Variants in ATAD3B observed in about 807,000 individuals in gnomAD.
The protein encoded by ATAD3B is ATPase family AAA domain containing 3B.
Under a neutral mutation model 70.2 loss-of-function variants are expected in ATAD3B, and 59 were observed. The ratio of observed to expected loss-of-function variants is 0.84; its 90% CI spans 0.68 to 1.04. ATAD3B has a LOEUF of 1.04. ATAD3B is among the 50% of genes least tolerant of loss of function. The probability of loss-of-function intolerance (pLI) is 0.00; values close to 1 mark genes in which losing one functional copy is unlikely to be tolerated. For synonymous variants in ATAD3B, 423 were observed against 388.6 expected, an observed-to-expected ratio of 1.09 and a Z score of -1.04; for missense variants, 961 against 913.4, an observed-to-expected ratio of 1.05 and a Z score of -0.67.
chr1:1,487,819 C>T (rs1022454226), intron 11 of ATAD3B, 44 bp from the exon 12 acceptor site: 1 of 1,608,300 alleles, frequency 6.2e-7, no homozygotes, highest in African/African-American at 1.3e-5. Context: ...GTGGGCTGCT[C>T]CTGGCGTCAC....
At chr1:1,505,451 CTG>C in the ATAD3B span, among the ~76,000 whole-genome samples, 12 of 152,222 alleles carry the variant, frequency 7.9e-5, no homozygotes, top group Non-Finnish European at 1.5e-4. Context: ...CTTCGGATAA[CTG>C]TGGGCGGGCC....
At chr1:1,500,212 A>C (rs1406372180), downstream of ATAD3B, among the ~76,000 whole-genome samples, 2 of 146,744 alleles carry the variant, frequency 1.4e-5, no homozygotes, top group African/African-American at 4.9e-5. Flanking sequence ...CTGATAACTT[A>C]TAGCAAACTT....
Position 1,484,998 on chromosome 1 carries a change from G to A in ATAD3B, c.751-18G>A, listed in dbSNP as rs1249458548. 2 of 1,598,174 alleles carry A rather than the reference G, an allele frequency of 1.3e-6. No homozygotes were observed. Among genetic ancestry groups the A allele is most frequent in the South Asian group, 1.1e-5 (1 of 89,194 alleles). On this transcript the variant is annotated intron_variant, in intron 7 of 15. Coordinates refer to ENST00000673477, the MANE Select transcript of ATAD3B (RefSeq NM_031921.6). ...GGACGGTGGGGGCCGGTGCGCCAGTGCGGTGTCTCTGCTGCAGGTGGCTGG... is the reference window on the plus strand; with the variant it reads ...GGACGGTGGGGGCCGGTGCGCCAGTACGGTGTCTCTGCTGCAGGTGGCTGG...
chr1:1,505,953 CCA>C, the ATAD3B span, among the ~76,000 whole-genome samples: 1 of 152,162 alleles, frequency 6.6e-6, no homozygotes, highest in Admixed American at 6.6e-5. Context: ...GGCTTGCCAC[CCA>C]CACACAGTGG....
At chr1:1,476,265 G>A (rs533644320) in intron 1 of ATAD3B, among the ~76,000 whole-genome samples, 1 of 147,516 alleles carries the variant, frequency 6.8e-6, no homozygotes, top group Non-Finnish European at 1.5e-5. Flanking sequence ...CAACACCAAA[G>A]TGTCGCTGCC....
intron 4 of ATAD3B, among the ~76,000 whole-genome samples, chr1:1,480,106 C>T (rs1187600798): frequency 4.8e-5 from 7 of 146,166 alleles, no homozygotes; most frequent in Non-Finnish European, 6.0e-5. Flanking sequence ...GCCGCAAACA[C>T]ACACACGGGC....
rs766563399 is a variant in ATAD3B, at chr1:1,482,143, G to A, written c.520G>A (p.Val174Met). 71 of 1,608,168 alleles carry A rather than the reference G, an allele frequency of 4.4e-5. No homozygotes were observed. The highest frequency in any genetic ancestry group is 2.5e-4 in the African/African-American group (19 of 74,828). ...QKQEAMRRAT[V>M]EREMELRHKN... ...GCCCTGCCTCTCTGGGGCAGCCACCGTGGAGCGGGAGATGGAGCTGCGGCA... is the reference window on the plus strand; with the variant it reads ...GCCCTGCCTCTCTGGGGCAGCCACCATGGAGCGGGAGATGGAGCTGCGGCA... The change falls in exon 6 of 16, where the codon GTG becomes ATG. Residue 174 changes from valine to methionine, a missense_variant. By Grantham distance (21) the Val-to-Met change is conservative (BLOSUM62 1). Transcript: ENST00000673477.
chr1:1,492,516 C>T (rs1640589085), intron 15 of ATAD3B, among the ~76,000 whole-genome samples: 1 of 151,698 alleles, frequency 6.6e-6, no homozygotes, highest in Non-Finnish European at 1.5e-5. Context: ...ATAATTTGGG[C>T]TGGGCACAGT....
chr1:1,486,835 G>GT (rs1640248348), intron 11 of ATAD3B, among the ~76,000 whole-genome samples, 167 bp downstream of exon 11: 1 of 149,982 alleles, frequency 6.7e-6, no homozygotes, highest in Admixed American at 6.6e-5. Context: ...AGTCCCCTGA[G>GT]TGTGGACCCT....
intron 7 of ATAD3B, chr1:1,484,195 T>G (rs1348063322): frequency 6.6e-6 from 1 of 151,978 alleles, no homozygotes; most frequent in Non-Finnish European, 1.5e-5. Flanking sequence ...TTTTTTTTTT[T>G]TTGAGACAGA....
rs2100571489 is a variant in ATAD3B at position 1,485,979 on chromosome 1, T to C, written c.964-131T>C. On this transcript the variant is annotated intron_variant, in intron 9 of 15. Coordinates refer to ENST00000673477, the MANE Select transcript of ATAD3B (RefSeq NM_031921.6). ...GCAACTGCTTGGACTGTGCCGGGGATAGATAGGCTGCCCACGAGCTGGGCG... is the reference window on the plus strand; with the variant it reads ...GCAACTGCTTGGACTGTGCCGGGGACAGATAGGCTGCCCACGAGCTGGGCG... The C allele has an allele frequency of 3.1e-6, 5 of 1,590,174 alleles. 1 individual carries two copies. The East Asian group carries it at 1.1e-4, about 36-fold the overall frequency.
chr1:1,481,182 T>G (rs1030872585), intron 5 of ATAD3B, among the ~76,000 whole-genome samples: 1 of 121,012 alleles, frequency 8.3e-6, no homozygotes. Flanking sequence ...GGGCCTTTTT[T>G]TTTTTTTTGA....
chr1:1,472,892 G>GAC (rs1490910297), intron 1 of ATAD3B, among the ~76,000 whole-genome samples: 2 of 151,842 alleles, frequency 1.3e-5, no homozygotes, highest in South Asian at 2.1e-4. Flanking sequence ...GGAGTGCAGT[G>GAC]GTGCGATTTC....
chr1:1,490,001 C>T lies in ATAD3B; in HGVS notation c.1338-256C>T, dbSNP rs1388347892. ...TCCCGGCACTGCCTATCAGGCTGGGCGAGGGTCAGCGGGGAAGTACCACAC... is the reference window on the plus strand; with the variant it reads ...TCCCGGCACTGCCTATCAGGCTGGGTGAGGGTCAGCGGGGAAGTACCACAC... On this transcript the variant is annotated intron_variant, in intron 13 of 15. Transcript: ENST00000673477. 44 of 1,334,592 alleles carry T rather than the reference C, an allele frequency of 3.3e-5. 2 individuals are homozygous for T. Among genetic ancestry groups the T allele is most frequent in the Middle Eastern group, 2.9e-4 (1 of 3,406 alleles). The allele number at this position is 1,334,592 out of a possible 1,614,324, so 82.7% of individuals were successfully genotyped here.
intron 1 of ATAD3B, among the ~76,000 whole-genome samples, chr1:1,472,771 G>T (rs1639396154): frequency 6.6e-6 from 1 of 152,052 alleles, no homozygotes; most frequent in African/African-American, 2.4e-5. Flanking sequence ...CTGGAACGTA[G>T]AAGGTGCTGA....
chr1:1,479,616 A>T (rs1209414224), intron 4 of ATAD3B, among the ~76,000 whole-genome samples: 1 of 144,198 alleles, frequency 6.9e-6, no homozygotes, highest in Admixed American at 7.0e-5. Context: ...ACACCCCCAC[A>T]CAGGGGCATG....
chr1:1,501,446 G>A (rs544563195), downstream of ATAD3B, among the ~76,000 whole-genome samples: 33 of 152,216 alleles, frequency 2.2e-4, no homozygotes, highest in South Asian at 6.2e-4. Flanking sequence ...TAGTAGAGAC[G>A]GGGTTTCACC....
downstream of ATAD3B, among the ~76,000 whole-genome samples, chr1:1,499,478 G>A (rs11488460): frequency 0.021 from 3,070 of 145,460 alleles, 130 homozygotes; most frequent in African/African-American, 0.074. Flanking sequence ...CTCATGATCC[G>A]CACTCGGCCT....
chr1:1,477,475 C>T lies in ATAD3B; in HGVS notation c.282+125C>T, dbSNP rs566027894. On this transcript the variant is annotated intron_variant, in intron 2 of 15. Transcript: ENST00000673477. The stretch of plus-strand genomic sequence containing the variant: ...ACATGGGCAGCAGTGGGGCCAGGGC[C>T]GAGCTTGGGCGCCTCATTTCACAGA... 56 of 1,469,154 alleles carry T rather than the reference C, an allele frequency of 3.8e-5. 1 individual carries two copies. The highest frequency in any genetic ancestry group is 6.0e-5 in the Admixed American group (3 of 49,918). 91.0% of individuals were successfully genotyped at this position (1,469,154 alleles called of 1,614,324 possible). A position where few individuals can be genotyped will look rare whatever the true frequency, so the allele number is the denominator to read the frequency against.
Sources: allele counts gnomAD v4.1 joint callset (sites outside exome capture counted in the v4.1 genomes callset), GRCh38; gene constraint gnomAD v4.1.1; transcripts MANE v1.5; gene names NCBI Gene and HGNC (gene_info 2026-07-23, HGNC 2026-07-21).